The following ZFPM2 variants were observed in gnomAD, a reference collection of about 807,000 sequenced individuals.
ZFPM2 encodes zinc finger protein, FOG family member 2.
ZFPM2 carries 20 observed loss-of-function variants against 98.6 expected under a neutral mutation model. The ratio of observed to expected loss-of-function variants is 0.20; its 90% CI spans 0.14 to 0.29. ZFPM2 has a LOEUF of 0.29. Among genes scored for constraint, ZFPM2 ranks in the 10% least tolerant of loss-of-function variants. The pLI is 1.00. For synonymous variants in ZFPM2, 518 were observed against 502.7 expected, an observed-to-expected ratio of 1.03 and a Z score of -0.41; for missense variants, 1,310 against 1,388.6, an observed-to-expected ratio of 0.94 and a Z score of 0.90.
intron 3 of ZFPM2, among the ~76,000 whole-genome samples, chr8:105,459,627 T>C (rs1437682380): frequency 2.0e-5 from 3 of 152,180 alleles, no homozygotes; most frequent in Non-Finnish European, 4.4e-5. Flanking sequence ...CCTCTCTTCC[T>C]AGCTTCCAGA....
intron 5 of ZFPM2, among the ~76,000 whole-genome samples, chr8:105,687,904 T>C (rs1391573690): frequency 3.9e-5 from 6 of 151,980 alleles, no homozygotes; most frequent in Admixed American, 1.3e-4. Context: ...ACATAGTATA[T>C]TGAATATAAA....
intron 3 of ZFPM2, among the ~76,000 whole-genome samples, chr8:105,476,232 C>T (rs1407749792): frequency 1.3e-5 from 2 of 152,192 alleles, no homozygotes; most frequent in African/African-American, 4.8e-5. Flanking sequence ...AGGCCCCAGA[C>T]AGGTACAGGC....
chr8:105,491,426 A>G (rs2130432926), intron 3 of ZFPM2, among the ~76,000 whole-genome samples: 1 of 152,328 alleles, frequency 6.6e-6, no homozygotes, highest in African/African-American at 2.4e-5. Flanking sequence ...ACAAGCCGGC[A>G]TTAATTAAAG....
chr8:105,620,553 T>A (rs888560926), intron 4 of ZFPM2, among the ~76,000 whole-genome samples: 3 of 152,122 alleles, frequency 2.0e-5, no homozygotes, highest in Non-Finnish European at 2.9e-5. Context: ...CCCATTTGTC[T>A]ATTTTGGCTT....
intron 2 of ZFPM2, among the ~76,000 whole-genome samples, chr8:105,442,401 C>T (rs1309889196): frequency 1.3e-5 from 2 of 152,066 alleles, no homozygotes; most frequent in African/African-American, 4.8e-5. Flanking sequence ...CCTTACCTTG[C>T]ATTTTCATTT....
intron 4 of ZFPM2, among the ~76,000 whole-genome samples, chr8:105,621,253 A>AG (rs1695704793): frequency 6.6e-6 from 1 of 152,028 alleles, no homozygotes; most frequent in African/African-American, 2.4e-5. Context: ...ATCCCTTGTA[A>AG]GTTGGATTCC....
At chr8:105,503,552 A>G (rs888664849) in intron 3 of ZFPM2, among the ~76,000 whole-genome samples, 2 of 152,214 alleles carry the variant, frequency 1.3e-5, no homozygotes, top group African/African-American at 4.8e-5. Flanking sequence ...GCCTGGCTCT[A>G]TGCATTGGGA....
intron 5 of ZFPM2, among the ~76,000 whole-genome samples, chr8:105,651,775 A>C (rs1817183769): frequency 6.6e-6 from 1 of 152,078 alleles, no homozygotes; most frequent in Admixed American, 6.5e-5. Context: ...TTATTATGTA[A>C]TGAGATTTAT....
At chr8:105,397,279 C>T (rs772165527) in intron 1 of ZFPM2, among the ~76,000 whole-genome samples, 2 of 151,966 alleles carry the variant, frequency 1.3e-5, no homozygotes, top group African/African-American at 2.4e-5. Context: ...AAAAGGGAAC[C>T]GCTTTAATAT....
chr8:105,695,139 T>C (rs1810984886), intron 5 of ZFPM2, among the ~76,000 whole-genome samples: 1 of 152,142 alleles, frequency 6.6e-6, no homozygotes, highest in Non-Finnish European at 1.5e-5. Context: ...GTAATATAAT[T>C]CAGTCATTAA....
intron 2 of ZFPM2, 106 bp from the exon 3 acceptor site, chr8:105,444,174 A>G: frequency 1.2e-6 from 1 of 847,018 alleles, no homozygotes; most frequent in South Asian, 1.5e-5. Context: ...TATGTATAAC[A>G]AACCTGTAAT....
intron 2 of ZFPM2, among the ~76,000 whole-genome samples, chr8:105,433,835 C>T (rs1379667024): frequency 6.6e-6 from 1 of 152,092 alleles, no homozygotes. Flanking sequence ...AGTGTTAGCC[C>T]TGGACCACTG....
At chr8:105,642,716 AC>A (rs952494675) in intron 5 of ZFPM2, among the ~76,000 whole-genome samples, 5 of 152,066 alleles carry the variant, frequency 3.3e-5, no homozygotes, top group African/African-American at 9.7e-5. Context: ...AATATGAGAC[AC>A]CCCCCAGCTT....
intron 5 of ZFPM2, among the ~76,000 whole-genome samples, chr8:105,730,780 T>A: frequency 3.5e-5 from 2 of 57,864 alleles, no homozygotes; most frequent in Admixed American, 3.2e-4. Context: ...TTTTTTCTTT[T>A]TTTTTTTTTT....
At chr8:105,569,930 G>A (rs776265210) in intron 4 of ZFPM2, among the ~76,000 whole-genome samples, 5 of 152,238 alleles carry the variant, frequency 3.3e-5, no homozygotes, top group South Asian at 2.1e-4. Context: ...GATGGGAACC[G>A]TAAGAGCAAG....
At chr8:105,491,990 T>C (rs1196755077) in intron 3 of ZFPM2, among the ~76,000 whole-genome samples, 3 of 152,192 alleles carry the variant, frequency 2.0e-5, no homozygotes, top group East Asian at 3.8e-4. Context: ...CCAAGCTCAA[T>C]TGCAAATGTC....
At chr8:105,405,793 C>T (rs1205786005) in intron 1 of ZFPM2, among the ~76,000 whole-genome samples, 2 of 151,994 alleles carry the variant, frequency 1.3e-5, no homozygotes, top group Non-Finnish European at 2.9e-5. Flanking sequence ...GGGTATATAC[C>T]CAGTAATGGG....
chr8:105,463,754 T>C (rs1812745598), intron 3 of ZFPM2, among the ~76,000 whole-genome samples: 1 of 152,054 alleles, frequency 6.6e-6, no homozygotes, highest in Non-Finnish European at 1.5e-5. Context: ...GTTACATTTT[T>C]TTTTCCCAAA....
intron 4 of ZFPM2, among the ~76,000 whole-genome samples, chr8:105,577,691 G>A (rs2130734608): frequency 6.7e-6 from 1 of 149,710 alleles, no homozygotes; most frequent in Admixed American, 6.7e-5. Flanking sequence ...TCTGTAGGAT[G>A]AAAAAGTTGT....
Sources: gnomAD v4.1 joint callset for allele counts (sites outside exome capture counted in the v4.1 genomes callset) on GRCh38, gnomAD v4.1.1 for gene constraint, MANE v1.5 for transcripts, NCBI Gene and HGNC (gene_info 2026-07-23, HGNC 2026-07-21) for gene names.